MAPDA: variants seen among roughly 807,000 people sequenced by gnomAD.
MAPDA encodes N6-Methyl-AMP deaminase.
the MAPDA span, chr15:43,349,326 C>T: frequency 8.9e-7 from 1 of 1,128,398 alleles, no homozygotes; most frequent in Non-Finnish European, 1.1e-6. Flanking sequence ...AAAGGGTCAT[C>T]TAGAATTTTA....
chr15:43,340,995 G>A, the MAPDA span, among the ~76,000 whole-genome samples: 2 of 152,148 alleles, frequency 1.3e-5, no homozygotes, highest in Non-Finnish European at 2.9e-5. Flanking sequence ...AGTTTCTTAG[G>A]CCAGGAGCAA....
the MAPDA span, among the ~76,000 whole-genome samples, chr15:43,346,143 A>C: frequency 6.6e-6 from 1 of 152,212 alleles, no homozygotes; most frequent in Admixed American, 6.5e-5. Context: ...TGCCTAGAGC[A>C]GCTCTCATCC....
chr15:43,345,319 C>T, the MAPDA span, among the ~76,000 whole-genome samples: 1 of 147,726 alleles, frequency 6.8e-6, no homozygotes, highest in Non-Finnish European at 1.5e-5. Context: ...TGCACCATTG[C>T]ACTCCAGCCT....
the MAPDA span, chr15:43,343,166 A>G: frequency 1.1e-6 from 1 of 882,958 alleles, no homozygotes; most frequent in Non-Finnish European, 1.7e-6. Context: ...ATTTTTTAAA[A>G]TTAATCATTC....
the MAPDA span, chr15:43,342,960 C>G: frequency 2.8e-6 from 4 of 1,436,248 alleles, no homozygotes; most frequent in African/African-American, 4.3e-5. Flanking sequence ...AGTTGATGAT[C>G]TCTTTACATG....
chr15:43,354,498 T>C, the MAPDA span: 1 of 152,212 alleles, frequency 6.6e-6, no homozygotes, highest in Non-Finnish European at 1.5e-5. Context: ...GAAAATATGG[T>C]TATAAAGTTT....
At chr15:43,348,170 A>G in the MAPDA span, among the ~76,000 whole-genome samples, 1 of 152,230 alleles carries the variant, frequency 6.6e-6, no homozygotes, top group Non-Finnish European at 1.5e-5. Context: ...TAGGAGATAA[A>G]GAGCACAGCC....
chr15:43,344,959 A>G, the MAPDA span, among the ~76,000 whole-genome samples: 17 of 152,182 alleles, frequency 1.1e-4, no homozygotes, highest in Non-Finnish European at 2.1e-4. Flanking sequence ...TAATGAAATA[A>G]TGGATCTCAC....
chr15:43,348,807 T>G, the MAPDA span: 31 of 1,272,388 alleles, frequency 2.4e-5, no homozygotes, highest in Non-Finnish European at 2.7e-5. Context: ...AGGTCTGCAT[T>G]AAGTACTACT....
the MAPDA span, chr15:43,330,679 GTGCTAA>G: frequency 3.6e-6 from 2 of 561,972 alleles, no homozygotes; most frequent in African/African-American, 3.9e-5. Flanking sequence ...GGTGTAGCCA[GTGCTAA>G]GTTCGCTTGC....
the MAPDA span, among the ~76,000 whole-genome samples, chr15:43,341,858 G>C: frequency 6.6e-6 from 1 of 151,818 alleles, no homozygotes; most frequent in East Asian, 1.9e-4. Flanking sequence ...TATTTTTTTT[G>C]AGACGGAGTC....
chr15:43,346,075 T>A, the MAPDA span: 1 of 1,511,798 alleles, frequency 6.6e-7, no homozygotes, highest in Non-Finnish European at 9.1e-7. Context: ...TTCTCCAGAG[T>A]GTCCAACAGA....
the MAPDA span, chr15:43,333,378 T>C: frequency 1.3e-5 from 2 of 151,212 alleles, no homozygotes; most frequent in Non-Finnish European, 2.9e-5. Flanking sequence ...ATCGTGACAC[T>C]GCACTCCAGC....
the MAPDA span, among the ~76,000 whole-genome samples, chr15:43,338,289 G>A: frequency 6.6e-6 from 1 of 152,234 alleles, no homozygotes; most frequent in Admixed American, 6.5e-5. Flanking sequence ...GATTGTAAAT[G>A]TAGAACTGAG....
the MAPDA span, chr15:43,349,050 G>T: frequency 6.2e-7 from 1 of 1,614,174 alleles, no homozygotes. Flanking sequence ...CACTGGGTAA[G>T]GCTTGGAGTT....
At chr15:43,340,189 G>T in the MAPDA span, 1 of 1,252,862 alleles carries the variant, frequency 8.0e-7, no homozygotes, top group East Asian at 2.3e-5. Context: ...ATAAAATAAA[G>T]CTGTAGCACT....
the MAPDA span, among the ~76,000 whole-genome samples, chr15:43,345,438 A>G: frequency 6.6e-6 from 1 of 152,142 alleles, no homozygotes; most frequent in African/African-American, 2.4e-5. Context: ...ACTTTGTAGG[A>G]CAAACAACTT....
the MAPDA span, among the ~76,000 whole-genome samples, chr15:43,331,661 G>C: frequency 4.3e-4 from 66 of 152,142 alleles, 1 homozygote; most frequent in Non-Finnish European, 5.1e-4. Flanking sequence ...ATAAAGATTC[G>C]GTAATTGAAA....
the MAPDA span, chr15:43,351,932 T>A: frequency 6.4e-7 from 1 of 1,550,480 alleles, no homozygotes; most frequent in Non-Finnish European, 8.7e-7. Flanking sequence ...AAGCCCAGAG[T>A]GTTACATATT....
Sources: allele counts gnomAD v4.1 joint callset (sites outside exome capture counted in the v4.1 genomes callset), GRCh38; gene constraint gnomAD v4.1.1; transcripts MANE v1.5; gene names NCBI Gene and HGNC (gene_info 2026-07-23, HGNC 2026-07-21).